Variants in PRKCH observed in about 807,000 individuals in gnomAD.
PRKCH encodes the protein protein kinase C eta.
A neutral mutation model predicts 82.5 loss-of-function variants in PRKCH; 28 were observed. That is an observed-to-expected ratio of 0.34 (90% CI 0.25 to 0.47). The LOEUF (loss-of-function observed/expected upper bound fraction) is 0.47. Ranked by LOEUF, PRKCH falls within the 20% of genes least tolerant of loss-of-function variation. The pLI is 1.00. For missense variants in PRKCH, 705 were observed against 881.8 expected, an observed-to-expected ratio of 0.80 and a Z score of 2.54; for synonymous variants, 322 against 327.4, an observed-to-expected ratio of 0.98 and a Z score of 0.18.
chr14:61,329,005 A>G (rs933108047), intron 1 of PRKCH, among the ~76,000 whole-genome samples: 1 of 151,894 alleles, frequency 6.6e-6, no homozygotes, highest in Non-Finnish European at 1.5e-5. Flanking sequence ...AAAAAGCTGA[A>G]AAAACAGTCA....
intron 2 of PRKCH, among the ~76,000 whole-genome samples, chr14:61,432,010 C>T (rs1883418881): frequency 6.6e-6 from 1 of 151,030 alleles, no homozygotes; most frequent in Non-Finnish European, 1.5e-5. Context: ...CTACCACTGT[C>T]TCTACCAATT....
rs115906041 is a variant in PRKCH, at chr14:61,324,055, C to T, written c.363+1591C>T. Among the ~76,000 whole-genome samples the T allele has an allele frequency of 9.4e-3, 1,439 of 152,304 alleles. 29 individuals carry two copies. Among genetic ancestry groups the T allele is most frequent in the African/African-American group, 0.032 (1,348 of 41,544 alleles). The stretch of plus-strand genomic sequence containing the variant: ...CCCAGGGACCTTTAAAAAATCCCCA[C>T]TTTTAAAGATTCTAGATAGGAATCT... On this transcript the variant is annotated intron_variant, in intron 1 of 13. Coordinates refer to ENST00000332981, the MANE Select transcript of PRKCH (RefSeq NM_006255.5).
At chr14:61,374,094 A>G (rs1296898225) in intron 1 of PRKCH, among the ~76,000 whole-genome samples, 6 of 152,152 alleles carry the variant, frequency 3.9e-5, no homozygotes, top group Admixed American at 6.5e-5. Flanking sequence ...GGCCAAAACA[A>G]TGGGGCTACA....
intron 1 of PRKCH, among the ~76,000 whole-genome samples, chr14:61,253,252 T>G (rs1464340011): frequency 1.3e-5 from 2 of 152,248 alleles, no homozygotes; most frequent in Non-Finnish European, 2.9e-5. Context: ...GCAGCTTAAC[T>G]GCCTAATAGC....
chr14:61,529,005 T>TGTGTGCGC, intron 10 of PRKCH, 70 bp from the exon 11 acceptor site: 10 of 1,459,980 alleles, frequency 6.8e-6, no homozygotes, highest in Admixed American at 3.7e-5. Flanking sequence ...TGTGTGTGTG[T>TGTGTGCGC]GCCCATTCTG....
chr14:61,197,590 T>A (rs2044450114), intron 1 of PRKCH, among the ~76,000 whole-genome samples: 1 of 152,198 alleles, frequency 6.6e-6, no homozygotes. Context: ...CCTCCCATGA[T>A]AACTCATTAA....
intron 4 of PRKCH, 74 bp downstream of exon 4, chr14:61,445,800 A>G (rs1884192398): frequency 7.0e-7 from 1 of 1,422,524 alleles, no homozygotes; most frequent in Non-Finnish European, 9.9e-7. Flanking sequence ...AAGAGAAAAC[A>G]GGGTATCTTC....
rs112058946 is a variant in PRKCH at position 61,243,576 on chromosome 14, C to T, written c.-19+55908C>T. Among the ~76,000 whole-genome samples, 1,417 of 151,978 alleles carry T rather than the reference C, an allele frequency of 9.3e-3. 15 individuals are homozygous for T. The highest frequency in any genetic ancestry group is 0.019 in the South Asian group (89 of 4,804). ...GGTGTTCAGGTATGGCAAGACCAAG[C>T]AAGCATGGCCTTATAGATCTTATTA... On this transcript the variant is annotated intron_variant, in intron 1 of 3. Coordinates refer to the PRKCH transcript ENST00000555185.
At chr14:61,455,178 C>T (rs1566892163) in intron 7 of PRKCH, among the ~76,000 whole-genome samples, 1 of 150,226 alleles carries the variant, frequency 6.7e-6, no homozygotes, top group South Asian at 2.1e-4. Flanking sequence ...TATAGGCACC[C>T]GCCACCACGC....
intron 9 of PRKCH, among the ~76,000 whole-genome samples, chr14:61,483,195 A>G (rs1396120460): frequency 6.6e-6 from 1 of 152,264 alleles, no homozygotes; most frequent in African/African-American, 2.4e-5. Context: ...TACTATGCAG[A>G]TGCAGCTTTT....
chr14:61,389,631 T>A (rs1473221689), intron 1 of PRKCH, among the ~76,000 whole-genome samples: 1 of 151,184 alleles, frequency 6.6e-6, no homozygotes. Flanking sequence ...AGGCTGGGAG[T>A]TCAAGGCTGC....
chr14:61,311,327 G>A (rs764064401), intron 1 of PRKCH, among the ~76,000 whole-genome samples: 5 of 151,950 alleles, frequency 3.3e-5, no homozygotes, highest in African/African-American at 4.8e-5. Context: ...ATTTCAGATC[G>A]TCTCTCTCAA....
intron 1 of PRKCH, among the ~76,000 whole-genome samples, chr14:61,227,738 A>G (rs1429291063): frequency 6.6e-6 from 1 of 152,116 alleles, no homozygotes; most frequent in East Asian, 1.9e-4. Context: ...TTTAAATGGC[A>G]AAAACCGTGA....
At chr14:61,491,210 G>C (rs1364003980) in intron 10 of PRKCH, among the ~76,000 whole-genome samples, 1 of 152,138 alleles carries the variant, frequency 6.6e-6, no homozygotes. Flanking sequence ...ACTCATTCTA[G>C]TGAGGAAAAT....
intron 10 of PRKCH, among the ~76,000 whole-genome samples, chr14:61,518,368 AT>A (rs2042855985): frequency 6.6e-6 from 1 of 151,840 alleles, no homozygotes; most frequent in Non-Finnish European, 1.5e-5. Context: ...TGCTAAATAA[AT>A]TTGCACCGCT....
chr14:61,367,452 C>G (rs891845842), intron 1 of PRKCH, among the ~76,000 whole-genome samples: 1 of 151,586 alleles, frequency 6.6e-6, no homozygotes. Flanking sequence ...GGTGAGGTTA[C>G]AGTGCAAGAG....
intron 1 of PRKCH, among the ~76,000 whole-genome samples, chr14:61,225,260 G>A (rs897473413): frequency 6.6e-6 from 1 of 152,200 alleles, no homozygotes; most frequent in African/African-American, 2.4e-5. Flanking sequence ...TTCTAGCTCT[G>A]GAACTTTCTG....
In PRKCH at chr14:61,375,663, C is replaced by T. The variant is rs370510534; in HGVS notation, c.364-15562C>T. 3.9e-5 allele frequency among the ~76,000 whole-genome samples: 6 copies of T among 152,054 alleles called. No homozygotes were observed. In the South Asian group the frequency reaches 1.2e-3, roughly 32 times the overall value. On this transcript the variant is annotated intron_variant, in intron 1 of 13. Transcript: ENST00000332981. ...TTCAAACAACCAGATCTCGTGAGAA[C>T]TCACTGACTATCATGAGAACAGCAA...
chr14:61,229,510 A>G (rs2044723967), intron 1 of PRKCH, among the ~76,000 whole-genome samples: 1 of 152,232 alleles, frequency 6.6e-6, no homozygotes, highest in African/African-American at 2.4e-5. Flanking sequence ...CTCTGGTTAC[A>G]TAAGCCACTA....
Sources: allele counts gnomAD v4.1 joint callset (sites outside exome capture counted in the v4.1 genomes callset), GRCh38; gene constraint gnomAD v4.1.1; transcripts MANE v1.5; gene names NCBI Gene and HGNC (gene_info 2026-07-23, HGNC 2026-07-21).